STPG2: variants seen among roughly 807,000 people sequenced by gnomAD.
STPG2 encodes sperm-tail PG-rich repeat-containing protein 2.
Under a neutral mutation model 54.2 loss-of-function variants are expected in STPG2, and 56 were observed. The observed-to-expected ratio is 1.03, with a 90% CI of 0.83 to 1.29. The LOEUF (loss-of-function observed/expected upper bound fraction) is 1.29, where lower values mean the gene tolerates loss of function less well. STPG2 is among the 50% of genes most tolerant of loss of function. STPG2 has a pLI of 0.00. For missense variants in STPG2, 596 were observed against 544.9 expected, an observed-to-expected ratio of 1.09 and a Z score of -0.93; for synonymous variants, 200 against 181.8, an observed-to-expected ratio of 1.10 and a Z score of -0.81.
chr4:97,905,503 T>A (rs930551662), intron 8 of STPG2, among the ~76,000 whole-genome samples: 1 of 151,908 alleles, frequency 6.6e-6, no homozygotes, highest in Non-Finnish European at 1.5e-5. Context: ...TGCAAAATCA[T>A]GCCAAAATGT....
chr4:97,972,528 T>TA, intron 6 of STPG2, 88 bp from the exon 7 acceptor site: 6 of 779,016 alleles, frequency 7.7e-6, no homozygotes, highest in Non-Finnish European at 9.2e-6. Context: ...AAGGGTTTTT[T>TA]TCTAAATAAA....
At chr4:97,920,564 CTTA>C (rs2149208960) in intron 8 of STPG2, among the ~76,000 whole-genome samples, 1 of 152,008 alleles carries the variant, frequency 6.6e-6, no homozygotes, top group East Asian at 1.9e-4. Context: ...ATTTTATCTC[CTTA>C]TTAAGAGTTA....
At chr4:97,480,582 G>A (rs1449734565) in intron 4 of STPG2, among the ~76,000 whole-genome samples, 2 of 151,482 alleles carry the variant, frequency 1.3e-5, no homozygotes, top group Non-Finnish European at 3.0e-5. Context: ...GAGAGTATCA[G>A]TTGCTATTAA....
At chr4:97,803,989 A>G (rs1412527477) in intron 9 of STPG2, among the ~76,000 whole-genome samples, 2 of 152,222 alleles carry the variant, frequency 1.3e-5, no homozygotes, top group Non-Finnish European at 2.9e-5. Flanking sequence ...GCTGCTTTCC[A>G]GAGACAACTA....
chr4:97,907,972 T>G (rs79774100), intron 8 of STPG2, among the ~76,000 whole-genome samples: 1 of 152,182 alleles, frequency 6.6e-6, no homozygotes, highest in Non-Finnish European at 1.5e-5. Flanking sequence ...GGTCTTCATG[T>G]CTAAAACACC....
chr4:97,786,843 T>C (rs1481778902), intron 9 of STPG2, among the ~76,000 whole-genome samples: 4 of 152,138 alleles, frequency 2.6e-5, no homozygotes, highest in South Asian at 2.1e-4. Context: ...AAATTGACTA[T>C]GGCAGCATTG....
intron 9 of STPG2, among the ~76,000 whole-genome samples, chr4:97,739,904 C>A (rs1342109256): frequency 6.6e-5 from 10 of 151,696 alleles, no homozygotes; most frequent in African/African-American, 1.2e-4. Context: ...GGCAGAGACA[C>A]AACAAAAAAA....
chr4:98,050,582 T>C (rs977204903), intron 5 of STPG2, among the ~76,000 whole-genome samples: 8 of 152,176 alleles, frequency 5.3e-5, no homozygotes, highest in East Asian at 1.9e-4. Flanking sequence ...TTGAGGAACA[T>C]TGAATCTGAG....
At chr4:97,831,911 A>G (rs1207806020) in intron 9 of STPG2, among the ~76,000 whole-genome samples, 1 of 152,180 alleles carries the variant, frequency 6.6e-6, no homozygotes, top group Non-Finnish European at 1.5e-5. Context: ...CCAGGACCAG[A>G]TGGATTCACA....
At chr4:97,777,608 A>G (rs1305502633) in intron 9 of STPG2, among the ~76,000 whole-genome samples, 2 of 152,206 alleles carry the variant, frequency 1.3e-5, no homozygotes, top group Non-Finnish European at 2.9e-5. Flanking sequence ...TCAGTTTCTT[A>G]CCTTCTTATT....
chr4:97,519,512 T>A (rs1010604257), intron 4 of STPG2, among the ~76,000 whole-genome samples: 2 of 151,410 alleles, frequency 1.3e-5, no homozygotes, highest in African/African-American at 4.9e-5. Context: ...GTGAGAAAAA[T>A]TTTTAAAAAA....
At chr4:98,012,565 A>G (rs2149283585) in intron 5 of STPG2, among the ~76,000 whole-genome samples, 1 of 152,252 alleles carries the variant, frequency 6.6e-6, no homozygotes, top group East Asian at 1.9e-4. Context: ...CATGATATTG[A>G]TTCTTCCTAT....
chr4:97,491,783 T>C (rs1425395680), intron 4 of STPG2, among the ~76,000 whole-genome samples: 1 of 151,474 alleles, frequency 6.6e-6, no homozygotes, highest in Non-Finnish European at 1.5e-5. Flanking sequence ...AAAACAAATG[T>C]GAAATTTATT....
At chr4:97,986,128 T>C (rs1734825474) in intron 5 of STPG2, among the ~76,000 whole-genome samples, 1 of 152,170 alleles carries the variant, frequency 6.6e-6, no homozygotes, top group Admixed American at 6.5e-5. Context: ...GTTAATTTTA[T>C]CTCCAAATAT....
Position 97,834,444 on chromosome 4 carries a change from A to G in STPG2, c.1204+6329T>C, listed in dbSNP as rs187305836. ...GATTGATGCTGCAAACCAACAGGGC[A>G]CAAGTATACCTATGTAACAAACCTG... On this transcript the variant is annotated intron_variant, in intron 9 of 10. Coordinates refer to ENST00000295268, the MANE Select transcript of STPG2 (RefSeq NM_174952.3). Among the ~76,000 whole-genome samples the G allele has an allele frequency of 2.3e-3, 343 of 152,240 alleles. 1 individual carries two copies. Among genetic ancestry groups the G allele is most frequent in the African/African-American group, 7.8e-3 (323 of 41,548 alleles).
At chr4:97,912,955 A>G (rs925533873) in intron 8 of STPG2, among the ~76,000 whole-genome samples, 2 of 152,352 alleles carry the variant, frequency 1.3e-5, no homozygotes, top group East Asian at 3.9e-4. Flanking sequence ...GGAAAGAGAT[A>G]CCTTTATGAT....
chr4:97,610,714 G>A (rs1733709059), intron 10 of STPG2, among the ~76,000 whole-genome samples: 1 of 152,040 alleles, frequency 6.6e-6, no homozygotes, highest in South Asian at 2.1e-4. Context: ...AGATCAGGCA[G>A]GAACATTGTA....
At chr4:97,727,231 TTAA>T (rs747171454) in intron 9 of STPG2, among the ~76,000 whole-genome samples, 25 of 152,028 alleles carry the variant, frequency 1.6e-4, no homozygotes, top group Non-Finnish European at 3.1e-4. Context: ...TATTTATAAA[TTAA>T]TAATGTGTCT....
chr4:97,807,730 T>C (rs1727615035), intron 9 of STPG2, among the ~76,000 whole-genome samples: 1 of 151,824 alleles, frequency 6.6e-6, no homozygotes, highest in Admixed American at 6.6e-5. Context: ...AGAGATATAC[T>C]GACTAAGAAC....
Sources: gnomAD v4.1 joint callset for allele counts (sites outside exome capture counted in the v4.1 genomes callset) on GRCh38, gnomAD v4.1.1 for gene constraint, MANE v1.5 for transcripts, NCBI Gene and HGNC (gene_info 2026-07-23, HGNC 2026-07-21) for gene names.